The following IL31RA variants were observed in gnomAD, a reference collection of about 807,000 sequenced individuals.
IL31RA encodes interleukin-31 receptor subunit alpha.
A neutral mutation model predicts 83.7 loss-of-function variants in IL31RA; 66 were observed. That is an observed-to-expected ratio of 0.79 (90% confidence interval 0.65 to 0.97). The LOEUF (loss-of-function observed/expected upper bound fraction) is 0.97. Ranked by LOEUF, IL31RA falls within the 50% of genes least tolerant of loss-of-function variation. The probability of loss-of-function intolerance (pLI) is 0.00; values close to 1 mark genes in which losing one functional copy is unlikely to be tolerated. For synonymous variants in IL31RA, 325 were observed against 329.0 expected, an observed-to-expected ratio of 0.99 and a Z score of 0.13; for missense variants, 798 against 919.4, an observed-to-expected ratio of 0.87 and a Z score of 1.71.
At chr5:55,844,200 T>C in the IL31RA span, among the ~76,000 whole-genome samples, 4 of 152,182 alleles carry the variant, frequency 2.6e-5, no homozygotes, top group South Asian at 8.3e-4. Context: ...TTTAAAGTGT[T>C]AAGAGAAAAA....
intron 4 of IL31RA, among the ~76,000 whole-genome samples, chr5:55,875,825 T>A (rs1268285395): frequency 1.3e-5 from 2 of 152,130 alleles, no homozygotes; most frequent in Non-Finnish European, 2.9e-5. Flanking sequence ...GCTTAAAACT[T>A]TGAGGAGGAA....
chr5:55,879,355 G>A (rs1747047458), intron 4 of IL31RA, among the ~76,000 whole-genome samples: 1 of 139,418 alleles, frequency 7.2e-6, no homozygotes, highest in Admixed American at 7.3e-5. Context: ...TTGATTTGGT[G>A]TTTATAATGG....
rs146618420 is a variant in IL31RA, at chr5:55,907,591, C to T, written c.1354+131C>T. 8.6e-5 allele frequency: 61 copies of T among 711,450 alleles called. No homozygotes were observed. The African/African-American group carries it at 9.3e-4, about 11-fold the overall frequency. The allele number at this position is 711,450 out of a possible 1,614,324, so 44.1% of individuals were successfully genotyped here. ...CATTTGTGCTTCATCTTGTAGTGAG[C>T]TCTGTATGTTATGAATTTGCTGAAT... On this transcript the variant is annotated intron_variant, in intron 10 of 14. Transcript: ENST00000652347.
intron 6 of IL31RA, among the ~76,000 whole-genome samples, chr5:55,895,854 C>T (rs747841037): frequency 3.3e-5 from 5 of 152,136 alleles, no homozygotes; most frequent in Non-Finnish European, 7.4e-5. Flanking sequence ...CAAGGAGGGA[C>T]CTAGTGAAGC....
chr5:55,847,237 A>T (rs1326417414), upstream of IL31RA, among the ~76,000 whole-genome samples: 31 of 30,134 alleles, frequency 1.0e-3, 1 homozygote, highest in South Asian at 5.0e-3. Flanking sequence ...AAAAAAAAAA[A>T]AAAATAAAAA....
At position 55,886,268 on chromosome 5, in the gene IL31RA, C is replaced by CTTGCTTTTTTTTTTTTTTTT. The variant is rs1235138364; in HGVS notation, c.606+3075_606+3076insGCTTTTTTTTTTTTTTTTTT. 8.1e-4 allele frequency among the ~76,000 whole-genome samples: 58 copies of CTTGCTTTTTTTTTTTTTTTT among 71,500 alleles called. 3 individuals are homozygous for CTTGCTTTTTTTTTTTTTTTT. Among genetic ancestry groups the CTTGCTTTTTTTTTTTTTTTT allele is most frequent in the African/African-American group, 1.7e-3 (23 of 13,712 alleles). The allele number at this position is 71,500 out of a possible 152,430, so 46.9% of individuals were successfully genotyped here. ...GCTAGCTTGCTTGCTTGCTTGCTTG[C>CTTGCTTTTTTTTTTTTTTTT]TTTTTTTTTTTTTTTTTTTTTTTGA... On this transcript the variant is annotated intron_variant, in intron 5 of 14. Transcript: ENST00000652347.
At chr5:55,899,504 C>G (rs1011915175) in intron 7 of IL31RA, among the ~76,000 whole-genome samples, 23 of 152,236 alleles carry the variant, frequency 1.5e-4, no homozygotes, top group African/African-American at 5.3e-4. Context: ...GCATAGGGTA[C>G]TCTCCAACCT....
chr5:55,916,591 T>G, intron 14 of IL31RA, 53 bp from the exon 15 acceptor site: 2 of 1,489,426 alleles, frequency 1.3e-6, no homozygotes, highest in South Asian at 1.1e-5. Flanking sequence ...TTTTTGGCTA[T>G]GTCATATGTG....
chr5:55,887,882 CA>C (rs1278747916), intron 5 of IL31RA, among the ~76,000 whole-genome samples: 118 of 135,540 alleles, frequency 8.7e-4, no homozygotes, highest in Admixed American at 2.2e-3. Flanking sequence ...GACTCTGTCT[CA>C]AAAAAAAAAA....
chr5:55,858,323 T>A (rs1431308019), intron 1 of IL31RA, among the ~76,000 whole-genome samples: 1 of 152,208 alleles, frequency 6.6e-6, no homozygotes, highest in East Asian at 1.9e-4. Flanking sequence ...TAAAGGCGTG[T>A]CTTCTTCTTA....
intron 1 of IL31RA, among the ~76,000 whole-genome samples, chr5:55,854,377 A>G (rs1745232375): frequency 6.6e-6 from 1 of 152,246 alleles, no homozygotes; most frequent in Admixed American, 6.5e-5. Context: ...AATTGCCAAG[A>G]TTTAACTGTT....
chr5:55,915,655 A>G (rs541772046), intron 14 of IL31RA, among the ~76,000 whole-genome samples: 1 of 152,100 alleles, frequency 6.6e-6, no homozygotes, highest in Non-Finnish European at 1.5e-5. Flanking sequence ...TTTTTTGAGC[A>G]TGGGCCTTTT....
intron 12 of IL31RA, among the ~76,000 whole-genome samples, chr5:55,912,472 C>T (rs1749553253): frequency 6.6e-6 from 1 of 152,202 alleles, no homozygotes; most frequent in South Asian, 2.1e-4. Flanking sequence ...TTAAGATCAG[C>T]TTGAATTTCA....
At position 55,908,754 on chromosome 5, in the gene IL31RA, G is replaced by C. The variant is rs535710692; in HGVS notation, c.1501+343G>C. On this transcript the variant is annotated intron_variant, in intron 11 of 14. Coordinates refer to ENST00000652347, the MANE Select transcript of IL31RA (RefSeq NM_139017.7). ...CTGGCTTAAAGAGTGAGGAGGAACAGACCCTGTCACCATGACTTCTACTGC... is the reference window on the plus strand; with the variant it reads ...CTGGCTTAAAGAGTGAGGAGGAACACACCCTGTCACCATGACTTCTACTGC... The C allele has an allele frequency of 7.8e-5, 112 of 1,433,902 alleles. No homozygotes were observed. In the African/African-American group the frequency reaches 1.3e-3, roughly 17 times the overall value. The allele number at this position is 1,433,902 out of a possible 1,614,324, so 88.8% of individuals were successfully genotyped here.
rs561607297 is a variant in IL31RA at position 55,877,854 on chromosome 5, T to C, written c.455-5190T>C. Among the ~76,000 whole-genome samples, 40 of 152,286 alleles carry C rather than the reference T, an allele frequency of 2.6e-4. No individual in the cohort carries two copies. In the South Asian group the frequency reaches 7.1e-3, roughly 27 times the overall value. ...GTATTCACTGGGATTCTTGGATTTGTAGATTTGTGTATTTCATCACATTTG... is the reference window on the plus strand; with the variant it reads ...GTATTCACTGGGATTCTTGGATTTGCAGATTTGTGTATTTCATCACATTTG... On this transcript the variant is annotated intron_variant, in intron 4 of 14. Coordinates refer to ENST00000652347, the MANE Select transcript of IL31RA (RefSeq NM_139017.7).
chr5:55,914,633 C>T (rs1470720481), intron 13 of IL31RA, among the ~76,000 whole-genome samples: 1 of 152,138 alleles, frequency 6.6e-6, no homozygotes, highest in East Asian at 1.9e-4. Context: ...GGGAGAGTCT[C>T]CTTTGATCAC....
chr5:55,907,504 C>A, intron 10 of IL31RA, 44 bp downstream of exon 10: 2 of 1,292,140 alleles, frequency 1.5e-6, no homozygotes, highest in Non-Finnish European at 2.3e-6. Context: ...AACAGTGTGA[C>A]CTGTCCCACA....
At position 55,864,416 on chromosome 5, in the gene IL31RA, C is replaced by T. The variant is rs149133802; in HGVS notation, c.155-4375C>T. ...ACACACACCACGCACACACCACAAA[C>T]ATACCACACACCCCACACTACACAC... On this transcript the variant is annotated intron_variant, in intron 2 of 14. Coordinates refer to ENST00000652347, the MANE Select transcript of IL31RA (RefSeq NM_139017.7). Among the ~76,000 whole-genome samples the T allele has an allele frequency of 1.4e-3, 209 of 146,290 alleles. 1 individual carries two copies. The Middle Eastern group carries it at 0.018, about 13-fold the overall frequency.
chr5:55,915,689 T>C (rs1009246988), intron 14 of IL31RA, among the ~76,000 whole-genome samples: 3 of 152,192 alleles, frequency 2.0e-5, no homozygotes, highest in African/African-American at 7.2e-5. Flanking sequence ...TTCTTTCTGT[T>C]TCCTCCTCTT....
Sources: allele counts gnomAD v4.1 joint callset (sites outside exome capture counted in the v4.1 genomes callset), GRCh38; gene constraint gnomAD v4.1.1; transcripts MANE v1.5; gene names NCBI Gene and HGNC (gene_info 2026-07-23, HGNC 2026-07-21).